The following SDK1 variants were observed in gnomAD, a reference collection of about 807,000 sequenced individuals.
SDK1 encodes protein sidekick-1.
In SDK1, 157 loss-of-function variants were observed where a neutral mutation model predicts 245.5. The ratio of observed to expected loss-of-function variants is 0.64; its 90% CI spans 0.56 to 0.73. The LOEUF (loss-of-function observed/expected upper bound fraction) is 0.73, where lower values mean the gene tolerates loss of function less well. SDK1 is among the 30% of genes least tolerant of loss of function. The probability of loss-of-function intolerance (pLI) is 0.00; values close to 1 mark genes in which losing one functional copy is unlikely to be tolerated. For missense variants in SDK1, 3,583 were observed against 3,002.3 expected, an observed-to-expected ratio of 1.19 and a Z score of -4.52; for synonymous variants, 1,647 against 1,278.5, an observed-to-expected ratio of 1.29 and a Z score of -6.15.
chr7:3,762,683 A>C (rs911791787), intron 4 of SDK1, among the ~76,000 whole-genome samples: 5 of 152,196 alleles, frequency 3.3e-5, no homozygotes, highest in African/African-American at 1.2e-4. Context: ...TATTTAACAG[A>C]GGGGATGTAA....
intron 1 of SDK1, among the ~76,000 whole-genome samples, chr7:3,495,421 A>G (rs567415230): frequency 6.6e-6 from 1 of 151,248 alleles, no homozygotes; most frequent in Admixed American, 6.6e-5. Flanking sequence ...GCCACACTGG[A>G]GTAATTTTTG....
At chr7:4,070,710 A>ATT (rs60441124) in intron 20 of SDK1, among the ~76,000 whole-genome samples, 10 of 143,874 alleles carry the variant, frequency 7.0e-5, no homozygotes, top group Non-Finnish European at 7.6e-5. Flanking sequence ...CACCTCTCAA[A>ATT]TTTTTTTTTT....
intron 5 of SDK1, among the ~76,000 whole-genome samples, chr7:3,853,817 C>T (rs544580957): frequency 6.6e-6 from 1 of 152,136 alleles, no homozygotes; most frequent in African/African-American, 2.4e-5. Context: ...GGTGAAACCT[C>T]CTCTCTACTA....
At chr7:3,624,117 C>G (rs1183706967) in intron 2 of SDK1, among the ~76,000 whole-genome samples, 1 of 152,254 alleles carries the variant, frequency 6.6e-6, no homozygotes. Flanking sequence ...AACCCACTTG[C>G]TATAAAAATT....
chr7:3,667,059 C>T (rs1783557317), intron 4 of SDK1, among the ~76,000 whole-genome samples: 1 of 151,784 alleles, frequency 6.6e-6, no homozygotes, highest in African/African-American at 2.4e-5. Flanking sequence ...TTAAGTGCTC[C>T]TAGAAGAAAA....
chr7:3,303,203 C>T (rs1453280022), intron 1 of SDK1, among the ~76,000 whole-genome samples: 1 of 152,178 alleles, frequency 6.6e-6, no homozygotes, highest in Non-Finnish European at 1.5e-5. Flanking sequence ...TAATGACTTA[C>T]TCTGGAAGAA....
At chr7:4,057,546 C>T (rs1384681730) in intron 19 of SDK1, among the ~76,000 whole-genome samples, 1 of 152,060 alleles carries the variant, frequency 6.6e-6, no homozygotes, top group Non-Finnish European at 1.5e-5. Context: ...CTGTCCAGGG[C>T]CTTGAGAACC....
At chr7:3,612,261 T>A (rs940653782) in intron 1 of SDK1, among the ~76,000 whole-genome samples, 1 of 152,192 alleles carries the variant, frequency 6.6e-6, no homozygotes, top group African/African-American at 2.4e-5. Flanking sequence ...AAAAATCCTA[T>A]CATAGGATCC....
At chr7:3,947,346 T>TA (rs755900546) in intron 5 of SDK1, among the ~76,000 whole-genome samples, 3 of 152,210 alleles carry the variant, frequency 2.0e-5, no homozygotes, top group Non-Finnish European at 2.9e-5. Flanking sequence ...TAGGCACAAT[T>TA]ACATCTGGCA....
chr7:3,987,414 C>G, intron 14 of SDK1, 92 bp downstream of exon 14: 2 of 1,299,748 alleles, frequency 1.5e-6, no homozygotes, highest in Non-Finnish European at 2.2e-6. Flanking sequence ...GGGTCAGACC[C>G]AAAACAACTA....
intron 14 of SDK1, among the ~76,000 whole-genome samples, chr7:4,004,346 A>G (rs1191540719): frequency 6.6e-6 from 1 of 152,250 alleles, no homozygotes; most frequent in Non-Finnish European, 1.5e-5. Context: ...AAACAGTAGT[A>G]GAATTCAAAT....
At chr7:4,174,894 C>T (rs1179163994) in intron 33 of SDK1, among the ~76,000 whole-genome samples, 1 of 152,214 alleles carries the variant, frequency 6.6e-6, no homozygotes, top group African/African-American at 2.4e-5. Flanking sequence ...CCGTTCCCAC[C>T]CCTCCTCTGT....
At chr7:3,577,042 C>G (rs1780316667) in intron 1 of SDK1, among the ~76,000 whole-genome samples, 1 of 151,968 alleles carries the variant, frequency 6.6e-6, no homozygotes, top group African/African-American at 2.4e-5. Context: ...GACATGACTC[C>G]TTATGCCCAA....
chr7:4,122,499 T>C (rs1784132037), intron 25 of SDK1, among the ~76,000 whole-genome samples: 1 of 152,162 alleles, frequency 6.6e-6, no homozygotes, highest in African/African-American at 2.4e-5. Flanking sequence ...GCAGGAGTGC[T>C]GAAAACACGC....
chr7:3,710,059 ACT>A (rs2115017200), intron 4 of SDK1, among the ~76,000 whole-genome samples: 1 of 152,204 alleles, frequency 6.6e-6, no homozygotes, highest in East Asian at 1.9e-4. Flanking sequence ...TTTTATTAAA[ACT>A]CTGTAAACAT....
At chr7:4,241,267 C>G (rs1786501443) in intron 42 of SDK1, among the ~76,000 whole-genome samples, 2 of 152,266 alleles carry the variant, frequency 1.3e-5, no homozygotes, top group South Asian at 4.2e-4. Context: ...TCTTTACTTC[C>G]TGTTTTGTTA....
chr7:3,312,827 G>C (rs930079544), intron 1 of SDK1, among the ~76,000 whole-genome samples: 4 of 152,054 alleles, frequency 2.6e-5, no homozygotes, highest in African/African-American at 9.7e-5. Context: ...TTAGAAGATA[G>C]AATGGCTGAG....
intron 5 of SDK1, among the ~76,000 whole-genome samples, chr7:3,836,468 G>A (rs1175479567): frequency 6.6e-6 from 1 of 152,140 alleles, no homozygotes; most frequent in Non-Finnish European, 1.5e-5. Flanking sequence ...AAGCATCATA[G>A]GCATTGAGGA....
rs1019532084 is a variant in SDK1 at position 4,238,854 on chromosome 7, C to T, written c.6130+1070C>T. On this transcript the variant is annotated intron_variant, in intron 42 of 44. Coordinates refer to ENST00000404826, the MANE Select transcript of SDK1 (RefSeq NM_152744.4). Reference sequence around the variant, plus strand: ...TGAGCCACCGCGCCCTGCCGAGATCCTGTCTCTTACAAAAAAAAAAAGTAT... The same window carrying T: ...TGAGCCACCGCGCCCTGCCGAGATCTTGTCTCTTACAAAAAAAAAAAGTAT... 3.0e-4 allele frequency among the ~76,000 whole-genome samples: 46 copies of T among 152,058 alleles called. 1 individual carries two copies. Among genetic ancestry groups the T allele is most frequent in the African/African-American group, 1.1e-3 (44 of 41,470 alleles).
Sources: allele counts gnomAD v4.1 joint callset (sites outside exome capture counted in the v4.1 genomes callset), GRCh38; gene constraint gnomAD v4.1.1; transcripts MANE v1.5; gene names NCBI Gene and HGNC (gene_info 2026-07-23, HGNC 2026-07-21).